CNTN4: variants seen among roughly 807,000 people sequenced by gnomAD.
CNTN4 encodes the protein contactin 4, also known as contactin-4.
CNTN4 carries 77 observed loss-of-function variants against 122.5 expected under a neutral mutation model. The ratio of observed to expected loss-of-function variants is 0.63; its 90% CI spans 0.52 to 0.76. CNTN4 has a LOEUF of 0.76. Among genes scored for constraint, CNTN4 ranks in the 30% least tolerant of loss-of-function variants. The pLI, the probability that CNTN4 is intolerant of heterozygous loss-of-function variation, is 0.00. For synonymous variants in CNTN4, 512 were observed against 447.0 expected (o/e 1.15, Z -1.83); for missense variants, 1,256 against 1,259.1 (o/e 1.00, Z 0.04).
chr3:2,597,701 A>G (rs1282503767), intron 4 of CNTN4, among the ~76,000 whole-genome samples: 1 of 152,104 alleles, frequency 6.6e-6, no homozygotes, highest in Non-Finnish European at 1.5e-5. Context: ...ACCATCCCCC[A>G]GTATAGAGAT....
At chr3:2,944,306 G>C (rs1031942171) in intron 13 of CNTN4, among the ~76,000 whole-genome samples, 1 of 151,464 alleles carries the variant, frequency 6.6e-6, no homozygotes, top group Non-Finnish European at 1.5e-5. Flanking sequence ...TTTCATTCTC[G>C]GAAGCACAAT....
chr3:2,513,016 G>C (rs1559622967), intron 3 of CNTN4, among the ~76,000 whole-genome samples: 2 of 152,102 alleles, frequency 1.3e-5, no homozygotes, highest in African/African-American at 2.4e-5. Flanking sequence ...AGATTTGGAG[G>C]GAAAATGATC....
intron 3 of CNTN4, among the ~76,000 whole-genome samples, chr3:2,513,427 A>AT (rs113813022): frequency 0.22 from 33,140 of 151,774 alleles, 5,406 homozygotes; most frequent in African/African-American, 0.46. Context: ...AGGTCCAGTG[A>AT]TTTTTTTTAA....
At position 2,147,545 on chromosome 3, in the gene CNTN4, C is replaced by T. The variant is rs575579514; in HGVS notation, c.-145+46906C>T. Among the ~76,000 whole-genome samples, 419 of 152,088 alleles carry T rather than the reference C, an allele frequency of 2.8e-3. 2 individuals carry two copies. The highest frequency in any genetic ancestry group is 0.012 in the South Asian group (57 of 4,816). On this transcript the variant is annotated intron_variant, in intron 2 of 24. Transcript: ENST00000418658. ...TTGTAACATCTTCCAACACATATTT[C>T]CCCCTCTTTCCCGTCCTCCACTCTT...
chr3:2,557,598 G>A (rs947857249), intron 3 of CNTN4, among the ~76,000 whole-genome samples: 6 of 151,710 alleles, frequency 4.0e-5, no homozygotes, highest in East Asian at 1.9e-4. Flanking sequence ...GCGTGGTGGC[G>A]GGCGCCTGTA....
intron 6 of CNTN4, among the ~76,000 whole-genome samples, chr3:2,795,520 CTT>C (rs11329789): frequency 4.0e-4 from 55 of 139,084 alleles, no homozygotes; most frequent in South Asian, 4.6e-4. Context: ...AAATGGGTAT[CTT>C]TTTTTTTTTT....
In CNTN4 at chr3:2,449,614, C is replaced by CAA. The variant is rs34181793; in HGVS notation, c.-89+110400_-89+110401dup. ...TGGGTGACAGAGCAAGACTCCATCT[C>CAA]AAAAAAAAAAAAAAAAAAAATGCAG... On this transcript the variant is annotated intron_variant, in intron 3 of 24. Coordinates refer to ENST00000418658, the MANE Select transcript of CNTN4 (RefSeq NM_175607.3). 3.3e-3 allele frequency among the ~76,000 whole-genome samples: 415 copies of CAA among 126,024 alleles called. 2 individuals carry two copies. Among genetic ancestry groups the CAA allele is most frequent in the African/African-American group, 0.01 (364 of 35,044 alleles). 82.7% of individuals were successfully genotyped at this position (126,024 alleles called of 152,430 possible). A position where few individuals can be genotyped will look rare whatever the true frequency, so the allele number is the denominator to read the frequency against.
At chr3:2,985,912 C>CTT (rs762011820) in intron 13 of CNTN4, among the ~76,000 whole-genome samples, 16 of 129,928 alleles carry the variant, frequency 1.2e-4, no homozygotes, top group Non-Finnish European at 2.0e-4. Context: ...TAAGAGAATA[C>CTT]TTTTTTTTTT....
At chr3:2,361,056 A>T (rs905285190) in intron 3 of CNTN4, among the ~76,000 whole-genome samples, 2 of 152,172 alleles carry the variant, frequency 1.3e-5, no homozygotes, top group African/African-American at 4.8e-5. Flanking sequence ...AGCAGTTCAT[A>T]AAGTAAGTAA....
At chr3:2,525,305 C>G (rs749716243) in intron 3 of CNTN4, among the ~76,000 whole-genome samples, 1 of 152,040 alleles carries the variant, frequency 6.6e-6, no homozygotes, top group Admixed American at 6.6e-5. Flanking sequence ...CATGTTAGTG[C>G]TCTGAGAAAA....
At chr3:2,734,346 G>A (rs1485779567) in intron 4 of CNTN4, among the ~76,000 whole-genome samples, 2 of 152,186 alleles carry the variant, frequency 1.3e-5, no homozygotes, top group African/African-American at 2.4e-5. Flanking sequence ...CCAGGCTTGA[G>A]CCACGATGCC....
At position 2,914,154 on chromosome 3, in the gene CNTN4, G is replaced by A. The variant is rs116431397; in HGVS notation, c.1207+11149G>A. On this transcript the variant is annotated intron_variant, in intron 12 of 24. Transcript: ENST00000418658. ...ACCAAAACTTACGGATGCAGCAAAAGCAGTAATAAGAGGGAGGTTAATAAT... is the reference window on the plus strand; with the variant it reads ...ACCAAAACTTACGGATGCAGCAAAAACAGTAATAAGAGGGAGGTTAATAAT... Among the ~76,000 whole-genome samples the A allele has an allele frequency of 6.0e-3, 911 of 152,166 alleles. 5 individuals are homozygous for A. Among genetic ancestry groups the A allele is most frequent in the African/African-American group, 0.021 (875 of 41,544 alleles).
chr3:2,151,155 C>G (rs1369937895), intron 2 of CNTN4, among the ~76,000 whole-genome samples: 2 of 152,102 alleles, frequency 1.3e-5, no homozygotes, highest in East Asian at 3.9e-4. Context: ...GAACTCCTGA[C>G]CTCAAGTGAT....
intron 2 of CNTN4, among the ~76,000 whole-genome samples, chr3:2,157,867 T>C (rs777572353): frequency 1.2e-4 from 18 of 152,304 alleles, no homozygotes; most frequent in Non-Finnish European, 2.6e-4. Flanking sequence ...ATCAAATAAA[T>C]CATTGTTTTC....
intron 14 of CNTN4, among the ~76,000 whole-genome samples, chr3:3,023,647 A>T (rs1018908076): frequency 6.6e-6 from 1 of 152,180 alleles, no homozygotes; most frequent in Non-Finnish European, 1.5e-5. Flanking sequence ...CATAAGTCTG[A>T]TGTGTAGGCT....
chr3:2,443,230 A>G (rs1464294718), intron 3 of CNTN4, among the ~76,000 whole-genome samples: 1 of 152,118 alleles, frequency 6.6e-6, no homozygotes, highest in Non-Finnish European at 1.5e-5. Flanking sequence ...CCTTGCAGGA[A>G]AAAGTTTTCT....
In CNTN4 at chr3:2,606,374, C is replaced by G. The variant is rs535858406; in HGVS notation, c.55+34816C>G. Among the ~76,000 whole-genome samples the G allele has an allele frequency of 8.5e-5, 13 of 152,240 alleles. No individual in the cohort carries two copies. The South Asian group carries it at 2.7e-3, about 32-fold the overall frequency. On this transcript the variant is annotated intron_variant, in intron 4 of 24. Coordinates refer to ENST00000418658, the MANE Select transcript of CNTN4 (RefSeq NM_175607.3). The stretch of plus-strand genomic sequence containing the variant: ...GGGGGAGGGAGAGCATCAGGAAAAA[C>G]AGCTAACGCATGCTCAGCTTAATAC...
chr3:2,480,446 T>A (rs1265800982), intron 3 of CNTN4, among the ~76,000 whole-genome samples: 1 of 152,162 alleles, frequency 6.6e-6, no homozygotes, highest in Non-Finnish European at 1.5e-5. Context: ...CATAGACCAG[T>A]AAATGACTGA....
chr3:2,675,636 A>G (rs989089592), intron 4 of CNTN4, among the ~76,000 whole-genome samples: 5 of 152,248 alleles, frequency 3.3e-5, no homozygotes, highest in Non-Finnish European at 7.3e-5. Flanking sequence ...GGTCTGGCAC[A>G]TAGTACATGC....
Sources: allele counts gnomAD v4.1 joint callset (sites outside exome capture counted in the v4.1 genomes callset), GRCh38; gene constraint gnomAD v4.1.1; transcripts MANE v1.5; gene names NCBI Gene and HGNC (gene_info 2026-07-23, HGNC 2026-07-21).